The following FAAH2 variants were observed in gnomAD, a reference collection of about 807,000 sequenced individuals.
FAAH2 encodes the protein fatty acid amide hydrolase 2.
FAAH2 carries 60 observed loss-of-function variants against 36.9 expected under a neutral mutation model. That is an observed-to-expected ratio of 1.63 (90% CI 1.32 to 2.02). The LOEUF (loss-of-function observed/expected upper bound fraction) is 2.02. FAAH2 is among the 30% of genes most tolerant of loss of function. FAAH2 has a pLI of 0.00. For missense variants in FAAH2, 689 were observed against 397.5 expected, an observed-to-expected ratio of 1.73 and a Z score of -6.23; for synonymous variants, 214 against 143.8, an observed-to-expected ratio of 1.49 and a Z score of -3.49.
At position 57,482,709 on chromosome X, in the gene FAAH2, ATTT is replaced by A. The variant is rs368783162; in HGVS notation, c.1424-6029_1424-6027del. 1.1e-4 allele frequency among the ~76,000 whole-genome samples: 7 copies of A among 63,874 alleles called. No homozygotes were observed. In the East Asian group the frequency reaches 2.6e-3, roughly 24 times the overall value. 55.5% of individuals were successfully genotyped at this position (63,874 alleles called of 115,157 possible). ...CGGCCATCTTGGCTTCATTCCCTCAATTTTTTTTTTTTTTTTTTTTTGCTTGTC... is the reference window on the plus strand; with the variant it reads ...CGGCCATCTTGGCTTCATTCCCTCAATTTTTTTTTTTTTTTTTTGCTTGTC... On this transcript the variant is annotated intron_variant, in intron 10 of 10. Coordinates refer to ENST00000374900, the MANE Select transcript of FAAH2 (RefSeq NM_174912.4).
intron 7 of FAAH2, among the ~76,000 whole-genome samples, chrX:57,385,304 A>C (rs1409151381): frequency 1.8e-5 from 2 of 110,778 alleles, no homozygotes; most frequent in African/African-American, 6.6e-5. Context: ...AAGACATGTA[A>C]AACTAGAAGA....
chrX:57,255,522 C>T, the FAAH2 span, among the ~76,000 whole-genome samples: 1 of 111,950 alleles, frequency 8.9e-6, no homozygotes, highest in Non-Finnish European at 1.9e-5. Flanking sequence ...GGAGAACATC[C>T]TCAATAAAAT....
At chrX:57,341,529 G>T in intron 5 of FAAH2, 139 bp downstream of exon 5, 1 of 725,411 alleles carries the variant, frequency 1.4e-6, no homozygotes, top group Non-Finnish European at 1.9e-6. Flanking sequence ...ACTAGCTACT[G>T]TTTATTGAGC....
the FAAH2 span, among the ~76,000 whole-genome samples, chrX:57,273,976 T>A: frequency 9.0e-6 from 1 of 111,113 alleles, no homozygotes; most frequent in African/African-American, 3.3e-5. Flanking sequence ...TCAGGAGTTG[T>A]TTTTTTAGAA....
the FAAH2 span, among the ~76,000 whole-genome samples, chrX:57,198,498 C>T: frequency 1.8e-5 from 2 of 112,512 alleles, no homozygotes; most frequent in African/African-American, 3.2e-5. Flanking sequence ...CTACAAGCCT[C>T]AGTGCTGAGA....
intron 7 of FAAH2, among the ~76,000 whole-genome samples, chrX:57,390,866 T>C (rs62596160): frequency 0.02 from 2,210 of 111,622 alleles, 22 homozygotes; most frequent in Non-Finnish European, 0.034. Context: ...CAGTGCTGAA[T>C]GGTAGCTTTA....
chrX:57,181,885 G>A, the FAAH2 span, among the ~76,000 whole-genome samples: 1 of 111,357 alleles, frequency 9.0e-6, no homozygotes, highest in South Asian at 3.7e-4. Context: ...CAAAAACATA[G>A]ACCAATGTAA....
At chrX:57,378,458 A>G (rs760817050) in intron 5 of FAAH2, among the ~76,000 whole-genome samples, 193 bp from the exon 6 acceptor site, 4 of 111,722 alleles carry the variant, frequency 3.6e-5, no homozygotes, top group African/African-American at 1.3e-4. Context: ...GTTGGACTCT[A>G]TTAGGAAAAA....
At chrX:57,203,916 C>G in the FAAH2 span, among the ~76,000 whole-genome samples, 2 of 111,922 alleles carry the variant, frequency 1.8e-5, no homozygotes, top group African/African-American at 6.5e-5. Flanking sequence ...TTATGTTTAG[C>G]TCCTAGAGCA....
chrX:57,378,598 T>C (rs1203897421), intron 5 of FAAH2, 53 bp from the exon 6 acceptor site: 2 of 1,198,247 alleles, frequency 1.7e-6, no homozygotes, highest in Non-Finnish European at 2.3e-6. Context: ...AAATACAACA[T>C]GCAGGGATCA....
At chrX:57,289,620 A>G (rs988198880) in intron 1 of FAAH2, among the ~76,000 whole-genome samples, 3 of 111,379 alleles carry the variant, frequency 2.7e-5, no homozygotes, top group Non-Finnish European at 5.6e-5. Context: ...ACGTGTGCTC[A>G]TGTTACCTAT....
chrX:57,385,065 G>A (rs5915004), intron 7 of FAAH2, among the ~76,000 whole-genome samples: 22,973 of 109,366 alleles, frequency 0.21, 2,274 homozygotes, highest in Middle Eastern at 0.55. Flanking sequence ...TCACTCATAG[G>A]TGGGAATTGT....
intron 7 of FAAH2, among the ~76,000 whole-genome samples, chrX:57,425,240 T>A: frequency 9.0e-6 from 1 of 111,505 alleles, no homozygotes; most frequent in Non-Finnish European, 1.9e-5. Flanking sequence ...TCCAAACCTA[T>A]GAATCGTAGG....
At chrX:57,485,721 C>T (rs979436478) in intron 10 of FAAH2, among the ~76,000 whole-genome samples, 2 of 111,887 alleles carry the variant, frequency 1.8e-5, no homozygotes, top group Non-Finnish European at 3.8e-5. Flanking sequence ...TCAGTCATTT[C>T]ATAGATCTCT....
At chrX:57,205,198 A>G in the FAAH2 span, among the ~76,000 whole-genome samples, 15 of 112,916 alleles carry the variant, frequency 1.3e-4, no homozygotes, top group Non-Finnish European at 2.6e-4. Flanking sequence ...GGAATGTACC[A>G]TTTTGCAAGT....
intron 5 of FAAH2, among the ~76,000 whole-genome samples, chrX:57,364,190 C>A (rs912219431): frequency 5.5e-5 from 6 of 108,122 alleles, no homozygotes; most frequent in Non-Finnish European, 1.1e-4. Flanking sequence ...TGGTGCAGGG[C>A]TTTTTTCTTG....
At chrX:57,388,606 T>C (rs2147258857) in intron 7 of FAAH2, among the ~76,000 whole-genome samples, 1 of 111,456 alleles carries the variant, frequency 9.0e-6, no homozygotes, top group African/African-American at 3.2e-5. Flanking sequence ...ACAATATTGA[T>C]ATATTATTAA....
At chrX:57,466,156 C>CTCTCTATATATA (rs1287266105) in intron 10 of FAAH2, among the ~76,000 whole-genome samples, 731 of 66,344 alleles carry the variant, frequency 0.011, 7 homozygotes, top group Admixed American at 0.018. Context: ...CTCTCTCTCT[C>CTCTCTATATATA]TATATATATA....
chrX:57,135,841 C>T, the FAAH2 span: 19 of 1,200,963 alleles, frequency 1.6e-5, no homozygotes, highest in East Asian at 2.1e-4. Flanking sequence ...TTCACCAAAT[C>T]GTAGACATAG....
Sources: allele counts gnomAD v4.1 joint callset (sites outside exome capture counted in the v4.1 genomes callset), GRCh38; gene constraint gnomAD v4.1.1; transcripts MANE v1.5; gene names NCBI Gene and HGNC (gene_info 2026-07-23, HGNC 2026-07-21).